XPOT: variants seen among roughly 807,000 people sequenced by gnomAD.
XPOT encodes exportin-T.
XPOT carries 34 observed loss-of-function variants against 128.2 expected under a neutral mutation model. The ratio of observed to expected loss-of-function variants is 0.27; its 90% confidence interval spans 0.20 to 0.35. The LOEUF is 0.35. Ranked by LOEUF, XPOT falls within the 10% of genes least tolerant of loss-of-function variation. XPOT has a pLI of 1.00. For missense variants in XPOT, 838 were observed against 1,125.3 expected (o/e 0.74, Z 3.65); for synonymous variants, 348 against 394.3 (o/e 0.88, Z 1.39).
rs766255982 is a variant in XPOT, at chr12:64,448,591, G to A, written c.*460G>A. 114 of 153,270 alleles carry A rather than the reference G, an allele frequency of 7.4e-4. 1 individual carries two copies. Among genetic ancestry groups the A allele is most frequent in the Non-Finnish European group, 9.8e-4 (67 of 68,656 alleles). The allele number at this position is 153,270 out of a possible 1,614,324, so 9.5% of individuals were successfully genotyped here. A position where few individuals can be genotyped will look rare whatever the true frequency, so the allele number is the denominator to read the frequency against. On this transcript the variant is annotated 3_prime_UTR_variant, in exon 25 of 25. Coordinates refer to ENST00000332707, the MANE Select transcript of XPOT (RefSeq NM_007235.6). ...TTTCATTTCTTTAAACTGTTTCAAC[G>A]CCAATATGTATTCTACAAAAGAGAA...
chr12:64,417,716 A>G (rs12827577), intron 4 of XPOT, among the ~76,000 whole-genome samples: 1 of 152,016 alleles, frequency 6.6e-6, no homozygotes, highest in African/African-American at 2.4e-5. Flanking sequence ...AAGCAAAATA[A>G]CAAATCACTA....
chr12:64,445,777 A>G (rs2040362809), intron 24 of XPOT, among the ~76,000 whole-genome samples: 1 of 152,236 alleles, frequency 6.6e-6, no homozygotes, highest in Non-Finnish European at 1.5e-5. Flanking sequence ...TGATCTAGAA[A>G]TAAAGTTACA....
At chr12:64,431,845 C>G in intron 18 of XPOT, 22 bp downstream of exon 18, 1 of 1,599,460 alleles carries the variant, frequency 6.3e-7, no homozygotes, top group East Asian at 2.2e-5. Context: ...TTTCAGAGCT[C>G]TGAAAATCTC....
chr12:64,425,684 A>G (rs1327135639), intron 14 of XPOT, 131 bp from the exon 15 acceptor site: 3 of 1,005,252 alleles, frequency 3.0e-6, no homozygotes, highest in Non-Finnish European at 4.5e-6. Flanking sequence ...GTTTAGAATT[A>G]CTCGTATATT....
intron 24 of XPOT, among the ~76,000 whole-genome samples, chr12:64,447,524 G>T (rs987796430): frequency 2.0e-5 from 3 of 151,858 alleles, no homozygotes; most frequent in African/African-American, 7.3e-5. Context: ...TGTTGCCCAG[G>T]CTGGAGTGCA....
intron 24 of XPOT, among the ~76,000 whole-genome samples, chr12:64,447,846 G>C (rs2040378093): frequency 6.6e-6 from 1 of 152,200 alleles, no homozygotes; most frequent in Non-Finnish European, 1.5e-5. Flanking sequence ...CTGACCACTT[G>C]ATTTCTATAG....
intron 21 of XPOT, among the ~76,000 whole-genome samples, chr12:64,435,360 C>T (rs540505006): frequency 6.6e-6 from 1 of 152,338 alleles, no homozygotes; most frequent in Non-Finnish European, 1.5e-5. Context: ...CACTTTCCCA[C>T]AACCTGGTAA....
rs2136046082 is a variant in XPOT, at chr12:64,450,727, A to G, written c.*2596A>G. 1 of 152,362 alleles carries G rather than the reference A, an allele frequency of 6.6e-6. No individual in the cohort carries two copies. Among genetic ancestry groups the G allele is most frequent in the East Asian group, 1.9e-4 (1 of 5,184 alleles). The allele number at this position is 152,362 out of a possible 1,614,324, so 9.4% of individuals were successfully genotyped here. ...ATAATTGTCTCAAGAGAGGAAGGAC[A>G]AAACTGTTACAAGCTGAAATATTTG... On this transcript the variant is annotated 3_prime_UTR_variant, in exon 25 of 25. Transcript: ENST00000332707.
chr12:64,430,332 C>A, intron 17 of XPOT, 45 bp downstream of exon 17: 1 of 1,405,560 alleles, frequency 7.1e-7, no homozygotes, highest in Non-Finnish European at 9.6e-7. Flanking sequence ...TGTATCTACA[C>A]AGACAGAACC....
intron 19 of XPOT, among the ~76,000 whole-genome samples, chr12:64,434,195 T>A (rs1196608234): frequency 6.6e-6 from 1 of 152,052 alleles, no homozygotes; most frequent in Non-Finnish European, 1.5e-5. Context: ...AGAGATGGGA[T>A]CTCACCACGT....
rs2040386475 is a variant in XPOT at position 64,448,894 on chromosome 12, T to G, written c.*763T>G. Reference sequence around the variant, plus strand: ...GTACTGGAAAAAGCCTATGTGAATCTGTTGATAGAATTTAAAATTCCAGGC... The same window carrying G: ...GTACTGGAAAAAGCCTATGTGAATCGGTTGATAGAATTTAAAATTCCAGGC... On this transcript the variant is annotated 3_prime_UTR_variant, in exon 25 of 25. Coordinates refer to ENST00000332707, the MANE Select transcript of XPOT (RefSeq NM_007235.6). The G allele has an allele frequency of 6.6e-6, 1 of 152,130 alleles. No homozygotes were observed. The highest frequency in any genetic ancestry group is 1.5e-5 in the Non-Finnish European group (1 of 68,026). The allele number at this position is 152,130 out of a possible 1,614,324, so 9.4% of individuals were successfully genotyped here. A position where few individuals can be genotyped will look rare whatever the true frequency, so the allele number is the denominator to read the frequency against.
rs1565804540 is a variant in XPOT at position 64,441,694 on chromosome 12, A to AT, written c.2805+2387dup. 5.3e-5 allele frequency among the ~76,000 whole-genome samples: 8 copies of AT among 151,670 alleles called. No homozygotes were observed. The South Asian group carries it at 1.2e-3, about 24-fold the overall frequency. Reference sequence around the variant, plus strand: ...TTTAAAATTTTTTAAATTTATTTTTATTTTTTTTGAGATGGAGTCTCGCTT... The same window carrying AT: ...TTTAAAATTTTTTAAATTTATTTTTATTTTTTTTTGAGATGGAGTCTCGCTT... On this transcript the variant is annotated intron_variant, in intron 23 of 24. Transcript: ENST00000332707.
rs186931568 is a variant in XPOT at position 64,420,332 on chromosome 12, A to G, written c.675-21A>G. The G allele has an allele frequency of 3.9e-4, 629 of 1,603,974 alleles. 2 individuals are homozygous for G. In the African/African-American group the frequency reaches 4.3e-3, roughly 11 times the overall value. On this transcript the variant is annotated intron_variant, in intron 7 of 24. Transcript: ENST00000332707. ...AACTCATGACTTTGAAAATGTTACA[A>G]TTTTATTGTCCCATTACCAGGTTTA... is the stretch of plus-strand genomic sequence containing the variant.
chr12:64,409,734 C>CAAA, intron 1 of XPOT: 1 of 257,388 alleles, frequency 3.9e-6, no homozygotes, highest in Non-Finnish European at 7.3e-6. Context: ...GACTCCGTCT[C>CAAA]AAAAAAAAAA....
At chr12:64,404,853 G>T (rs2039963597) in intron 1 of XPOT, 49 bp downstream of exon 1, 1 of 152,046 alleles carries the variant, frequency 6.6e-6, no homozygotes, top group South Asian at 2.1e-4. Flanking sequence ...TTTGGTCCGC[G>T]TGAGGCTTCG....
chr12:64,410,400 A>G (rs990748442), intron 2 of XPOT, among the ~76,000 whole-genome samples: 3 of 152,248 alleles, frequency 2.0e-5, no homozygotes, highest in Non-Finnish European at 2.9e-5. Context: ...GAGACTTTCC[A>G]TAGCAGCAGA....
intron 6 of XPOT, among the ~76,000 whole-genome samples, chr12:64,419,471 C>A (rs553465461): frequency 5.9e-5 from 9 of 152,270 alleles, no homozygotes; most frequent in African/African-American, 1.9e-4. Flanking sequence ...GCACATGCCA[C>A]CACGCCTGGC....
intron 15 of XPOT, 87 bp downstream of exon 15, chr12:64,425,996 C>A: frequency 1.6e-6 from 2 of 1,253,776 alleles, no homozygotes; most frequent in Non-Finnish European, 2.3e-6. Flanking sequence ...TGGAATCAAC[C>A]TAGGTGCCCA....
At position 64,449,264 on chromosome 12, in the gene XPOT, CAGTATACCTAT is replaced by C. The variant is rs1465208577; in HGVS notation, c.*1145_*1155del. On this transcript the variant is annotated 3_prime_UTR_variant, in exon 25 of 25. Transcript: ENST00000332707. ...TCTTTTATTGGATGTATTTAGAACACAGTATACCTATAGTATACCTATGTGTTTATTATGTT... is the reference window on the plus strand; with the variant it reads ...TCTTTTATTGGATGTATTTAGAACACAGTATACCTATGTGTTTATTATGTT... 1.3e-5 allele frequency: 2 copies of C among 151,692 alleles called. No homozygotes were observed. The highest frequency in any genetic ancestry group is 2.9e-5 in the Non-Finnish European group (2 of 67,978). The allele number at this position is 151,692 out of a possible 1,614,324, so 9.4% of individuals were successfully genotyped here.
Sources: allele counts gnomAD v4.1 joint callset (sites outside exome capture counted in the v4.1 genomes callset), GRCh38; gene constraint gnomAD v4.1.1; transcripts MANE v1.5; gene names NCBI Gene and HGNC (gene_info 2026-07-23, HGNC 2026-07-21).